Variants in RSRC1 observed in about 807,000 individuals in gnomAD.
The protein encoded by RSRC1 is serine/Arginine-related protein 53.
RSRC1 carries 39 observed loss-of-function variants against 49.1 expected under a neutral mutation model. The observed-to-expected ratio is 0.79, with a 90% CI of 0.61 to 1.04. The LOEUF is 1.04. RSRC1 is among the 50% of genes least tolerant of loss of function. The probability of loss-of-function intolerance (pLI) is 0.00; values close to 1 mark genes in which losing one functional copy is unlikely to be tolerated. For synonymous variants in RSRC1, 143 were observed against 130.8 expected, an observed-to-expected ratio of 1.09 and a Z score of -0.63; for missense variants, 388 against 402.4, an observed-to-expected ratio of 0.96 and a Z score of 0.31.
chr3:158,432,209 T>G (rs1735802310), intron 6 of RSRC1, among the ~76,000 whole-genome samples: 1 of 151,968 alleles, frequency 6.6e-6, no homozygotes, highest in African/African-American at 2.4e-5. Flanking sequence ...GGCAGATTTA[T>G]GAAGAAAAAA....
At chr3:158,221,837 T>G (rs900976472) in intron 4 of RSRC1, among the ~76,000 whole-genome samples, 1 of 151,544 alleles carries the variant, frequency 6.6e-6, no homozygotes, top group African/African-American at 2.4e-5. Flanking sequence ...CATACTTAAT[T>G]TTTTTAAAAG....
chr3:158,473,218 G>A (rs1277691064), intron 7 of RSRC1, among the ~76,000 whole-genome samples: 5 of 152,246 alleles, frequency 3.3e-5, no homozygotes, highest in African/African-American at 1.2e-4. Flanking sequence ...GCACACGTAT[G>A]TTTATCGCGG....
At chr3:158,244,621 G>A (rs1723783435) in intron 4 of RSRC1, among the ~76,000 whole-genome samples, 1 of 152,156 alleles carries the variant, frequency 6.6e-6, no homozygotes, top group African/African-American at 2.4e-5. Context: ...TTCAGTAACA[G>A]GATGATGCTG....
chr3:158,260,509 C>T (rs1227121865), intron 4 of RSRC1, among the ~76,000 whole-genome samples: 2 of 152,122 alleles, frequency 1.3e-5, no homozygotes, highest in African/African-American at 4.8e-5. Flanking sequence ...CAGAGCTGCA[C>T]CTGTTCTGCC....
chr3:158,167,292 T>G (rs535956994), intron 3 of RSRC1, among the ~76,000 whole-genome samples: 11 of 152,260 alleles, frequency 7.2e-5, no homozygotes, highest in Admixed American at 6.5e-4. Flanking sequence ...GCTCTAGGGA[T>G]TCTCCCACCT....
chr3:158,112,176 C>G (rs1714461297), intron 1 of RSRC1, among the ~76,000 whole-genome samples: 1 of 152,164 alleles, frequency 6.6e-6, no homozygotes. Context: ...GCTTGTAGGA[C>G]TCTAAAAGCC....
At chr3:158,431,438 T>A (rs1735767561) in intron 6 of RSRC1, among the ~76,000 whole-genome samples, 1 of 151,902 alleles carries the variant, frequency 6.6e-6, no homozygotes, top group South Asian at 2.1e-4. Context: ...TGAAAATAAG[T>A]TATTTAGAAA....
At chr3:158,510,734 A>C (rs942838070) in intron 7 of RSRC1, among the ~76,000 whole-genome samples, 13 of 152,188 alleles carry the variant, frequency 8.5e-5, no homozygotes, top group African/African-American at 3.1e-4. Context: ...GCTATCAGAT[A>C]GTAGGTTTTA....
intron 3 of RSRC1, among the ~76,000 whole-genome samples, chr3:158,194,179 C>T (rs1044720851): frequency 6.6e-6 from 1 of 151,702 alleles, no homozygotes; most frequent in African/African-American, 2.4e-5. Flanking sequence ...GAAGCTGATG[C>T]GGGAGGATCA....
rs537971889 is a variant in RSRC1, at chr3:158,270,019, A to G, written c.495-28020A>G. Among the ~76,000 whole-genome samples, 47 of 152,254 alleles carry G rather than the reference A, an allele frequency of 3.1e-4. No individual in the cohort carries two copies. The South Asian group carries it at 4.8e-3, about 15-fold the overall frequency. Reference sequence around the variant, plus strand: ...TAGAAGCTGTATTTCTGTAGACAGAAGATTTTGTTTCCTGGTATCAGTGTG... The same window carrying G: ...TAGAAGCTGTATTTCTGTAGACAGAGGATTTTGTTTCCTGGTATCAGTGTG... On this transcript the variant is annotated intron_variant, in intron 4 of 9. Coordinates refer to ENST00000611884, the MANE Select transcript of RSRC1 (RefSeq NM_001271838.2).
chr3:158,229,856 T>G (rs867512786), intron 4 of RSRC1, among the ~76,000 whole-genome samples: 1 of 152,046 alleles, frequency 6.6e-6, no homozygotes, highest in Non-Finnish European at 1.5e-5. Context: ...AGCCCTAATA[T>G]TTCTGTGTAA....
At chr3:158,521,835 C>T (rs181040707) in intron 7 of RSRC1, among the ~76,000 whole-genome samples, 43 of 152,180 alleles carry the variant, frequency 2.8e-4, no homozygotes, top group African/African-American at 1.0e-3. Context: ...AATATATAAT[C>T]TCACTTCCCA....
chr3:158,365,439 G>C (rs894243944), intron 6 of RSRC1, among the ~76,000 whole-genome samples: 2 of 152,046 alleles, frequency 1.3e-5, no homozygotes, highest in African/African-American at 2.4e-5. Flanking sequence ...GAGAATGATG[G>C]TTTCCAGCTT....
intron 4 of RSRC1, among the ~76,000 whole-genome samples, chr3:158,296,571 A>G (rs143264542): frequency 9.9e-4 from 150 of 152,220 alleles, no homozygotes; most frequent in African/African-American, 3.4e-3. Context: ...GTGAAAATGT[A>G]AAGATTCATT....
chr3:158,422,304 C>A (rs1423609443), intron 6 of RSRC1, among the ~76,000 whole-genome samples: 12 of 148,168 alleles, frequency 8.1e-5, no homozygotes, highest in African/African-American at 2.7e-4. Flanking sequence ...CAATTCCCAC[C>A]TATGAGTGAG....
chr3:158,325,829 A>T (rs778093593), intron 5 of RSRC1, among the ~76,000 whole-genome samples: 16 of 152,158 alleles, frequency 1.1e-4, no homozygotes, highest in Non-Finnish European at 1.8e-4. Context: ...CAGTATGGCC[A>T]TTTTCACAAT....
intron 4 of RSRC1, among the ~76,000 whole-genome samples, chr3:158,289,905 A>G (rs977942436): frequency 6.7e-6 from 1 of 148,834 alleles, no homozygotes; most frequent in Admixed American, 6.8e-5. Flanking sequence ...GCCAAAATTT[A>G]TCTGTCTTTC....
At chr3:158,167,551 T>C (rs1457194607) in intron 3 of RSRC1, among the ~76,000 whole-genome samples, 3 of 152,206 alleles carry the variant, frequency 2.0e-5, no homozygotes, top group Non-Finnish European at 2.9e-5. Context: ...GAGGCACTTA[T>C]TGCTAAACTT....
intron 7 of RSRC1, among the ~76,000 whole-genome samples, chr3:158,486,135 AAATATATTGTATTACTC>A (rs1213645101): frequency 6.6e-6 from 1 of 152,162 alleles, no homozygotes; most frequent in African/African-American, 2.4e-5. Context: ...AAGAAAATGC[AAATATATTGTATTACTC>A]TTTTAAATGT....
Sources: allele counts gnomAD v4.1 joint callset (sites outside exome capture counted in the v4.1 genomes callset), GRCh38; gene constraint gnomAD v4.1.1; transcripts MANE v1.5; gene names NCBI Gene and HGNC (gene_info 2026-07-23, HGNC 2026-07-21).